The following ANKRD13A variants were observed in gnomAD, a reference collection of about 807,000 sequenced individuals.
ANKRD13A encodes the protein ankyrin repeat domain 13A.
In ANKRD13A, 48 loss-of-function variants were observed where a neutral mutation model predicts 81.3. That is an observed-to-expected ratio of 0.59 (90% CI 0.47 to 0.75). The LOEUF (loss-of-function observed/expected upper bound fraction) is 0.75. ANKRD13A is among the 30% of genes least tolerant of loss of function. ANKRD13A has a pLI of 0.00. For missense variants in ANKRD13A, 612 were observed against 734.0 expected (o/e 0.83, Z 1.92); for synonymous variants, 230 against 270.1 (o/e 0.85, Z 1.45).
Position 110,001,575 on chromosome 12 carries a change from G to A in ANKRD13A, c.96+1791G>A, listed in dbSNP as rs565784925. 2.0e-5 allele frequency among the ~76,000 whole-genome samples: 3 copies of A among 151,948 alleles called. No homozygotes were observed. The East Asian group carries it at 5.8e-4, about 29-fold the overall frequency. On this transcript the variant is annotated intron_variant, in intron 1 of 14. Transcript: ENST00000261739. ...CTGCCTCAGCCTCCTCAGTAGCTGG[G>A]ATTACAGGCTAATTTTTGTATTTTT...
intron 12 of ANKRD13A, 122 bp downstream of exon 12, chr12:110,030,880 AG>A: frequency 4.9e-6 from 2 of 409,030 alleles, no homozygotes; most frequent in Non-Finnish European, 8.5e-6. Context: ...GGATCACCTG[AG>A]GTCGGGAGTT....
rs369473960 is a variant in ANKRD13A at position 110,019,313 on chromosome 12, A to G, written c.719A>G (p.Asn240Ser). Reference sequence around the variant, plus strand: ...ATTAACACCAGCCTCGATACTAAAAATATTGCTTTTGAAAGGTACAAATTT... The same window carrying G: ...ATTAACACCAGCCTCGATACTAAAAGTATTGCTTTTGAAAGGTACAAATTT... The part of the protein sequence containing the change: ...PVINTSLDTK[N>S]IAFERTKSGF... Residue 240 changes from asparagine to serine, a missense_variant, in exon 6 of 15, where the codon AAT (asparagine) becomes AGT (serine). By Grantham distance (46) the Asn-to-Ser change is conservative. Coordinates refer to ENST00000261739, the MANE Select transcript of ANKRD13A (RefSeq NM_033121.2). 6.2e-6 allele frequency: 10 copies of G among 1,605,796 alleles called. No individual in the cohort carries two copies. The Middle Eastern group carries it at 6.6e-4, about 106-fold the overall frequency.
chr12:110,010,226 G>A (rs2137097151), intron 1 of ANKRD13A, among the ~76,000 whole-genome samples: 1 of 152,300 alleles, frequency 6.6e-6, no homozygotes, highest in South Asian at 2.1e-4. Flanking sequence ...GTGAATTGTA[G>A]TAAGTAGTTT....
Position 110,036,401 on chromosome 12 carries a change from C to G in ANKRD13A, c.1577+73C>G. The G allele has an allele frequency of 1.4e-6, 2 of 1,476,024 alleles. No homozygotes were observed. The highest frequency in any genetic ancestry group is 1.9e-6 in the Non-Finnish European group (2 of 1,055,320). The allele number at this position is 1,476,024 out of a possible 1,614,324, so 91.4% of individuals were successfully genotyped here. A position where few individuals can be genotyped will look rare whatever the true frequency, so the allele number is the denominator to read the frequency against. On this transcript the variant is annotated intron_variant, in intron 14 of 14. Coordinates refer to ENST00000261739, the MANE Select transcript of ANKRD13A (RefSeq NM_033121.2). This position sits in a 1 kb window ranked among gnomAD's most constrained non-coding sequence, Gnocchi z 4.6. Reference sequence around the variant, plus strand: ...TGGACACAGGCGAGCAGACGCGTGGCACTGTGCATTTGGTCCTCAGGCAGA... The same window carrying G: ...TGGACACAGGCGAGCAGACGCGTGGGACTGTGCATTTGGTCCTCAGGCAGA...
intron 12 of ANKRD13A, among the ~76,000 whole-genome samples, chr12:110,031,172 G>A (rs1248264791): frequency 6.6e-6 from 1 of 152,000 alleles, no homozygotes; most frequent in Non-Finnish European, 1.5e-5. Context: ...ATATCTGAGG[G>A]AGTAGATGTC....
chr12:110,028,174 C>T (rs1477622937), intron 9 of ANKRD13A: 1 of 308,230 alleles, frequency 3.2e-6, no homozygotes, highest in African/African-American at 2.2e-5. Context: ...TACCTTTCCA[C>T]TATCAAAGCT....
chr12:110,006,864 G>A (rs1890267672), intron 1 of ANKRD13A, among the ~76,000 whole-genome samples: 1 of 152,166 alleles, frequency 6.6e-6, no homozygotes. Flanking sequence ...CCAAAGTGCT[G>A]GGATTATAGG....
intron 1 of ANKRD13A, among the ~76,000 whole-genome samples, chr12:110,005,592 G>A (rs764431423): frequency 6.6e-6 from 1 of 152,098 alleles, no homozygotes; most frequent in Non-Finnish European, 1.5e-5. Context: ...GTGGCCTTTT[G>A]TTTCTTCTTT....
chr12:109,999,826 G>T lies in ANKRD13A; in HGVS notation c.96+42G>T. On this transcript the variant is annotated intron_variant, in intron 1 of 14. Coordinates refer to ENST00000261739, the MANE Select transcript of ANKRD13A (RefSeq NM_033121.2). This position sits in a 1 kb window ranked among gnomAD's most constrained non-coding sequence, Gnocchi z 4.3. ...GGGTCCGTCTCCCGGTGGGGACTTC[G>T]GGGAATCGGGGGTCGTTTCGCCTCC... 6.8e-7 allele frequency: 1 copy of T among 1,475,990 alleles called. No individual in the cohort carries two copies. 91.4% of individuals were successfully genotyped at this position (1,475,990 alleles called of 1,614,324 possible).
At chr12:110,030,931 CTAA>C (rs759376975) in intron 12 of ANKRD13A, among the ~76,000 whole-genome samples, 173 bp downstream of exon 12, 1 of 151,804 alleles carries the variant, frequency 6.6e-6, no homozygotes, top group Non-Finnish European at 1.5e-5. Context: ...CCTGTCTCTA[CTAA>C]TAATACAAAA....
At chr12:110,016,154 G>A (rs1407345968) in intron 3 of ANKRD13A, among the ~76,000 whole-genome samples, 1 of 151,706 alleles carries the variant, frequency 6.6e-6, no homozygotes, top group Non-Finnish European at 1.5e-5. Flanking sequence ...TTGCCATGCT[G>A]CCCAGGCTGG....
chr12:110,038,989 A>G lies in ANKRD13A; in HGVS notation c.*1435A>G, dbSNP rs1315313868. Reference sequence around the variant, plus strand: ...AACTACTGTTCCAGGTAACGTCTGTATCATACAGTTAGTGTTGCCAGTGAA... The same window carrying G: ...AACTACTGTTCCAGGTAACGTCTGTGTCATACAGTTAGTGTTGCCAGTGAA... On this transcript the variant is annotated 3_prime_UTR_variant, in exon 15 of 15. Coordinates refer to ENST00000261739, the MANE Select transcript of ANKRD13A (RefSeq NM_033121.2). 6.6e-6 allele frequency: 1 copy of G among 152,110 alleles called. No homozygotes were observed. The highest frequency in any genetic ancestry group is 1.5e-5 in the Non-Finnish European group (1 of 68,046). The allele number at this position is 152,110 out of a possible 1,614,324, so 9.4% of individuals were successfully genotyped here. A position where few individuals can be genotyped will look rare whatever the true frequency, so the allele number is the denominator to read the frequency against.
At chr12:110,016,908 G>T (rs2137119794) in intron 4 of ANKRD13A, among the ~76,000 whole-genome samples, 1 of 152,170 alleles carries the variant, frequency 6.6e-6, no homozygotes, top group East Asian at 1.9e-4. Context: ...GAGTAGCTGG[G>T]ATTACAGGTG....
chr12:110,007,537 C>T lies in ANKRD13A; in HGVS notation c.97-4468C>T, dbSNP rs149672222. On this transcript the variant is annotated intron_variant, in intron 1 of 14. Transcript: ENST00000261739. ...CTGGGATTACAGACATGTGCCACCA[C>T]GCCCGGCTAATTTTGTATTTTTAGT... Among the ~76,000 whole-genome samples, 1,285 of 152,134 alleles carry T rather than the reference C, an allele frequency of 8.4e-3. 12 individuals carry two copies. Among genetic ancestry groups the T allele is most frequent in the Middle Eastern group, 0.02 (6 of 294 alleles).
At chr12:110,022,397 T>C (rs1304992764) in intron 6 of ANKRD13A, 1 of 146,376 alleles carries the variant, frequency 6.8e-6, no homozygotes, top group Non-Finnish European at 1.5e-5. Context: ...TTCGGTGAGC[T>C]GAGATTGCAC....
chr12:110,031,612 A>T (rs1891697283), intron 12 of ANKRD13A, among the ~76,000 whole-genome samples: 1 of 152,140 alleles, frequency 6.6e-6, no homozygotes, highest in Non-Finnish European at 1.5e-5. Context: ...CGGCCTCCCA[A>T]AGTGCTAGTG....
chr12:110,036,417 C>T lies in ANKRD13A; in HGVS notation c.1577+89C>T. 7.3e-7 allele frequency: 1 copy of T among 1,368,496 alleles called. No homozygotes were observed. The highest frequency in any genetic ancestry group is 1.0e-6 in the Non-Finnish European group (1 of 958,498). 84.8% of individuals were successfully genotyped at this position (1,368,496 alleles called of 1,614,324 possible). A position where few individuals can be genotyped will look rare whatever the true frequency, so the allele number is the denominator to read the frequency against. ...GACGCGTGGCACTGTGCATTTGGTC[C>T]TCAGGCAGATGTACGGTGCCACAAA... On this transcript the variant is annotated intron_variant, in intron 14 of 14. Coordinates refer to ENST00000261739, the MANE Select transcript of ANKRD13A (RefSeq NM_033121.2). This position sits in a 1 kb window ranked among gnomAD's most constrained non-coding sequence, Gnocchi z 4.6.
intron 3 of ANKRD13A, 107 bp downstream of exon 3, chr12:110,013,356 C>T (rs563119254): frequency 7.3e-6 from 10 of 1,377,186 alleles, no homozygotes; most frequent in Middle Eastern, 1.8e-4. Context: ...TTTTCTGATT[C>T]GTGAATATGA....
At chr12:110,001,119 A>G (rs1003843581) in intron 1 of ANKRD13A, among the ~76,000 whole-genome samples, 3 of 151,454 alleles carry the variant, frequency 2.0e-5, no homozygotes, top group African/African-American at 7.3e-5. Flanking sequence ...TCAAGTTTCA[A>G]GCTAACAAAC....
Sources: allele counts gnomAD v4.1 joint callset (sites outside exome capture counted in the v4.1 genomes callset), GRCh38; gene constraint gnomAD v4.1.1; non-coding constraint Gnocchi (gnomAD v3.1); transcripts MANE v1.5; gene names NCBI Gene and HGNC (gene_info 2026-07-23, HGNC 2026-07-21).